The following CPEB3 variants were observed in gnomAD, a reference collection of about 807,000 sequenced individuals.
CPEB3 encodes cytoplasmic polyadenylation element-binding protein 3.
Under a neutral mutation model 67.2 loss-of-function variants are expected in CPEB3, and 20 were observed. The observed-to-expected ratio is 0.30, with a 90% CI of 0.21 to 0.43. The LOEUF (loss-of-function observed/expected upper bound fraction) is 0.43. Ranked by LOEUF, CPEB3 falls within the 20% of genes least tolerant of loss-of-function variation. The probability of loss-of-function intolerance (pLI) is 1.00; values close to 1 mark genes in which losing one functional copy is unlikely to be tolerated. For missense variants in CPEB3, 746 were observed against 968.6 expected (o/e 0.77, Z 3.05); for synonymous variants, 376 against 393.1 (o/e 0.96, Z 0.51).
intron 9 of CPEB3, among the ~76,000 whole-genome samples, chr10:92,071,156 G>A (rs1036871551): frequency 6.6e-6 from 1 of 151,776 alleles, no homozygotes; most frequent in Non-Finnish European, 1.5e-5. Flanking sequence ...TAAAACCCCA[G>A]ATTGGCTGAT....
At chr10:92,111,462 G>A (rs987067418) in intron 6 of CPEB3, among the ~76,000 whole-genome samples, 3 of 152,224 alleles carry the variant, frequency 2.0e-5, no homozygotes, top group African/African-American at 7.2e-5. Flanking sequence ...ATGAGGGCAA[G>A]TGGACTCACC....
intron 4 of CPEB3, among the ~76,000 whole-genome samples, chr10:92,147,834 G>A (rs1262675245): frequency 6.6e-6 from 1 of 152,078 alleles, no homozygotes; most frequent in African/African-American, 2.4e-5. Flanking sequence ...TGTCAAAACA[G>A]CTCTTGATCT....
At chr10:92,227,223 T>C (rs1851019236) in intron 2 of CPEB3, among the ~76,000 whole-genome samples, 1 of 152,174 alleles carries the variant, frequency 6.6e-6, no homozygotes. Flanking sequence ...AGTTAGGTAA[T>C]ATTCTCTGAG....
At chr10:92,208,908 A>T in intron 2 of CPEB3, among the ~76,000 whole-genome samples, 3 of 150,148 alleles carry the variant, frequency 2.0e-5, no homozygotes, top group Admixed American at 6.6e-5. Flanking sequence ...GCTTTTTTTG[A>T]CTCCTCCTTT....
chr10:92,221,386 G>A (rs1011565279), intron 2 of CPEB3, among the ~76,000 whole-genome samples: 3 of 152,058 alleles, frequency 2.0e-5, no homozygotes, highest in South Asian at 2.1e-4. Context: ...CCAGCTACTC[G>A]GGAGGCTGAG....
At chr10:92,127,445 G>GAT (rs1358724899) in intron 6 of CPEB3, among the ~76,000 whole-genome samples, 1 of 152,182 alleles carries the variant, frequency 6.6e-6, no homozygotes, top group Non-Finnish European at 1.5e-5. Flanking sequence ...GGAGACCGAG[G>GAT]CAGGTGGATC....
At chr10:92,176,496 T>G (rs1848225764) in intron 4 of CPEB3, among the ~76,000 whole-genome samples, 1 of 152,206 alleles carries the variant, frequency 6.6e-6, no homozygotes, top group South Asian at 2.1e-4. Flanking sequence ...ATCTTCAAGT[T>G]TCACATGCCT....
In CPEB3 at chr10:92,240,290, G is replaced by C; in HGVS notation, c.61C>G (p.Arg21Gly). 1 of 1,503,688 alleles carries C rather than the reference G, an allele frequency of 6.7e-7. No homozygotes were observed. Among genetic ancestry groups the C allele is most frequent in the Non-Finnish European group, 8.9e-7 (1 of 1,122,628 alleles). 93.1% of individuals were successfully genotyped at this position (1,503,688 alleles called of 1,614,324 possible). A position where few individuals can be genotyped will look rare whatever the true frequency, so the allele number is the denominator to read the frequency against. Residue 21 changes from arginine to glycine, a missense_variant, in exon 2 of 10, where the codon CGG becomes GGG. By Grantham distance (125) the Arg-to-Gly change is moderately radical. This residue lies in a region of CPEB3 where 643 missense variants were observed against 717.5 expected (regional missense o/e 0.90). Transcript: ENST00000265997. The part of the protein sequence containing the change: ...KTQPQPQQQQ[R>G]QQQQPQPESS... ...TCAGGTTGGGGCTGCTGCTGCTGCC[G>C]CTGCTGCTGCTGGGGCTGGGGCTGG...
rs529342152 is a variant in CPEB3, at chr10:92,254,909, C to T, written c.-11-14548G>A. Among the ~76,000 whole-genome samples, 5 of 151,698 alleles carry T rather than the reference C, an allele frequency of 3.3e-5. No individual in the cohort carries two copies. In the South Asian group the frequency reaches 8.3e-4, roughly 25 times the overall value. On this transcript the variant is annotated intron_variant, in intron 1 of 9. Transcript: ENST00000265997. ...TTTTTCTGGCGATGGAGTGCTGCCA[C>T]ATCACCCAGGCTAGTTTCAAATGCC... is the stretch of plus-strand genomic sequence containing the variant.
At chr10:92,197,662 C>T (rs1412587982) in intron 2 of CPEB3, among the ~76,000 whole-genome samples, 3 of 152,178 alleles carry the variant, frequency 2.0e-5, no homozygotes, top group Non-Finnish European at 4.4e-5. Flanking sequence ...GAACAGCTCA[C>T]CTCCACTGCA....
chr10:92,077,575 G>A (rs1260635560), intron 9 of CPEB3, among the ~76,000 whole-genome samples: 1 of 152,032 alleles, frequency 6.6e-6, no homozygotes, highest in Non-Finnish European at 1.5e-5. Flanking sequence ...TGGGCAATAT[G>A]GTGAAACCTT....
At chr10:92,288,559 T>C (rs1842646701) in intron 1 of CPEB3, among the ~76,000 whole-genome samples, 1 of 152,126 alleles carries the variant, frequency 6.6e-6, no homozygotes, top group African/African-American at 2.4e-5. Flanking sequence ...AGAAGTGGAA[T>C]TACTGGGTCA....
chr10:92,101,678 A>T (rs547226082), intron 7 of CPEB3, among the ~76,000 whole-genome samples: 1 of 152,150 alleles, frequency 6.6e-6, no homozygotes, highest in Non-Finnish European at 1.5e-5. Flanking sequence ...AGGCCAAGGC[A>T]GGCAGATCAC....
intron 4 of CPEB3, among the ~76,000 whole-genome samples, chr10:92,170,846 T>C (rs1026746890): frequency 6.6e-6 from 1 of 152,230 alleles, no homozygotes; most frequent in Non-Finnish European, 1.5e-5. Context: ...ATATCTGGCA[T>C]CTGTTTTCAA....
chr10:92,162,361 C>A (rs1847529327), intron 4 of CPEB3, among the ~76,000 whole-genome samples: 2 of 151,908 alleles, frequency 1.3e-5, no homozygotes. Context: ...TGTGATACTA[C>A]ATTGAGCAAT....
intron 4 of CPEB3, among the ~76,000 whole-genome samples, chr10:92,155,756 T>C (rs1847178407): frequency 6.6e-6 from 1 of 152,174 alleles, no homozygotes; most frequent in African/African-American, 2.4e-5. Context: ...CAAGTCATTC[T>C]AGGAAATATT....
intron 1 of CPEB3, among the ~76,000 whole-genome samples, chr10:92,269,646 C>T (rs1590586812): frequency 6.6e-6 from 1 of 152,168 alleles, no homozygotes; most frequent in Non-Finnish European, 1.5e-5. Context: ...CAACCTCTGC[C>T]TCCCAGGTTC....
chr10:92,109,557 C>G (rs1308775635), intron 7 of CPEB3, among the ~76,000 whole-genome samples: 1 of 152,046 alleles, frequency 6.6e-6, no homozygotes, highest in Non-Finnish European at 1.5e-5. Flanking sequence ...TGGCCAGGTA[C>G]AGATTTTTTG....
chr10:92,138,663 G>C (rs1190460171), intron 6 of CPEB3, among the ~76,000 whole-genome samples: 1 of 152,176 alleles, frequency 6.6e-6, no homozygotes, highest in East Asian at 1.9e-4. Flanking sequence ...TCTCACCACA[G>C]TTAAAATGGT....
Sources: gnomAD v4.1 joint callset for allele counts (sites outside exome capture counted in the v4.1 genomes callset) on GRCh38, gnomAD v4.1.1 for gene constraint, gnomAD v4.1.1 regional missense constraint, MANE v1.5 for transcripts, NCBI Gene and HGNC (gene_info 2026-07-23, HGNC 2026-07-21) for gene names.